PLCL1: variants seen among roughly 807,000 people sequenced by gnomAD.
PLCL1 encodes the protein phospholipase C like 1 (inactive).
In PLCL1, 41 loss-of-function variants were observed where a neutral mutation model predicts 84.4. The ratio of observed to expected loss-of-function variants is 0.49; its 90% confidence interval spans 0.38 to 0.63. The LOEUF (loss-of-function observed/expected upper bound fraction) is 0.63. Among genes scored for constraint, PLCL1 ranks in the 30% least tolerant of loss-of-function variants. The probability of loss-of-function intolerance (pLI) is 0.00; values close to 1 mark genes in which losing one functional copy is unlikely to be tolerated. For synonymous variants in PLCL1, 490 were observed against 488.3 expected (o/e 1.00, Z -0.05); for missense variants, 1,206 against 1,367.8 (o/e 0.88, Z 1.87).
intron 1 of PLCL1, among the ~76,000 whole-genome samples, chr2:197,914,712 A>G (rs1688557714): frequency 6.6e-6 from 1 of 152,190 alleles, no homozygotes; most frequent in Non-Finnish European, 1.5e-5. Context: ...TCGCAGGGTG[A>G]TTTATTAAAT....
intron 1 of PLCL1, among the ~76,000 whole-genome samples, chr2:197,986,140 T>C (rs1402493576): frequency 6.6e-6 from 1 of 152,184 alleles, no homozygotes; most frequent in Non-Finnish European, 1.5e-5. Flanking sequence ...AAAGTGGATT[T>C]AGTTATTCTT....
intron 1 of PLCL1, among the ~76,000 whole-genome samples, chr2:198,021,299 A>C (rs898431157): frequency 6.6e-6 from 1 of 152,220 alleles, no homozygotes; most frequent in African/African-American, 2.4e-5. Flanking sequence ...AAAGCAGGAA[A>C]GATCTAAAAT....
chr2:198,027,818 C>T (rs1156481583), intron 1 of PLCL1, among the ~76,000 whole-genome samples: 1 of 151,760 alleles, frequency 6.6e-6, no homozygotes, highest in Non-Finnish European at 1.5e-5. Context: ...AACTTTGAAT[C>T]TTTTTCTTTT....
At chr2:197,950,074 G>A (rs1268260547) in intron 1 of PLCL1, among the ~76,000 whole-genome samples, 1 of 152,140 alleles carries the variant, frequency 6.6e-6, no homozygotes, top group African/African-American at 2.4e-5. Flanking sequence ...GGTCACATTT[G>A]CATTATAACA....
At chr2:197,856,601 A>T (rs1249816167) in intron 1 of PLCL1, among the ~76,000 whole-genome samples, 1 of 152,186 alleles carries the variant, frequency 6.6e-6, no homozygotes, top group Non-Finnish European at 1.5e-5. Context: ...GGGAAGAATC[A>T]GTTGGAATTT....
intron 1 of PLCL1, among the ~76,000 whole-genome samples, chr2:198,064,623 A>G (rs1692280916): frequency 6.6e-6 from 1 of 152,200 alleles, no homozygotes; most frequent in South Asian, 2.1e-4. Context: ...ATTGATTCCC[A>G]CTAACCGCAC....
In PLCL1 at chr2:197,805,342, A is replaced by T; in HGVS notation, c.240+3A>T. On this transcript the variant is annotated splice_donor_region_variant and intron_variant, in intron 1 of 5. Coordinates refer to ENST00000428675, the MANE Select transcript of PLCL1 (RefSeq NM_006226.4). This position sits in a 1 kb window ranked among gnomAD's most constrained non-coding sequence, Gnocchi z 4.0. ...CCCGGCGCAGCAGCATCATCAAGGT[A>T]AGCAAAGCCGCGCCGCACCGGGAGC... 1 of 1,334,394 alleles carries T rather than the reference A, an allele frequency of 7.5e-7. No homozygotes were observed. Among genetic ancestry groups the T allele is most frequent in the Non-Finnish European group, 9.5e-7 (1 of 1,048,682 alleles). The allele number at this position is 1,334,394 out of a possible 1,614,324, so 82.7% of individuals were successfully genotyped here.
At chr2:198,039,790 G>A (rs1691618391) in intron 1 of PLCL1, among the ~76,000 whole-genome samples, 1 of 152,182 alleles carries the variant, frequency 6.6e-6, no homozygotes, top group African/African-American at 2.4e-5. Context: ...CTATGAGTCA[G>A]GTAGCTGCTG....
chr2:197,918,971 T>TCTCTCGCACA (rs373512508), intron 1 of PLCL1, among the ~76,000 whole-genome samples: 1 of 144,552 alleles, frequency 6.9e-6, no homozygotes, highest in African/African-American at 2.5e-5. Context: ...TCTCTCTCCC[T>TCTCTCGCACA]CACACACACA....
At chr2:197,904,751 T>C (rs753996479) in intron 1 of PLCL1, among the ~76,000 whole-genome samples, 17 of 152,210 alleles carry the variant, frequency 1.1e-4, no homozygotes, top group Non-Finnish European at 1.8e-4. Context: ...ATCTTTGAAC[T>C]AAATGCATAT....
At position 197,860,883 on chromosome 2, in the gene PLCL1, T is replaced by C. The variant is rs149654720; in HGVS notation, c.240+55544T>C. 2.5e-3 allele frequency among the ~76,000 whole-genome samples: 375 copies of C among 152,334 alleles called. 2 individuals are homozygous for C. The highest frequency in any genetic ancestry group is 3.9e-3 in the Non-Finnish European group (267 of 68,026). ...AGCTCTTTAGTTTAATTAGATCCCA[T>C]TTGTCAATTTTTGCTTTTATTGCAA... On this transcript the variant is annotated intron_variant, in intron 1 of 5. Coordinates refer to ENST00000428675, the MANE Select transcript of PLCL1 (RefSeq NM_006226.4).
chr2:198,101,349 G>A lies in PLCL1; in HGVS notation c.2984G>A (p.Cys995Tyr). The part of the protein sequence containing the change: ...ADTVQEKIVQ[C>Y]QKAGMEFHEE... ...ACAGTCCAGGAAAAGATTGTACAGTGTCAGAAAGCAGGTAATTGTTTTTAA... is the reference window on the plus strand; with the variant it reads ...ACAGTCCAGGAAAAGATTGTACAGTATCAGAAAGCAGGTAATTGTTTTTAA... The change falls in exon 4 of 6, where the codon TGT (cysteine) becomes TAT (tyrosine). Residue 995 changes from cysteine to tyrosine, a missense_variant. By Grantham distance (194) the Cys-to-Tyr change is radical (BLOSUM62 -2). Transcript: ENST00000428675. 6.5e-7 allele frequency: 1 copy of A among 1,544,706 alleles called. No homozygotes were observed. Among genetic ancestry groups the A allele is most frequent in the Non-Finnish European group, 8.8e-7 (1 of 1,131,072 alleles).
intron 5 of PLCL1, among the ~76,000 whole-genome samples, chr2:198,120,142 A>G (rs1024066551): frequency 6.6e-6 from 1 of 151,500 alleles, no homozygotes. Flanking sequence ...TCTTACTTCA[A>G]CCTCTGGGGA....
At chr2:198,138,096 C>A (rs1428311598) in intron 5 of PLCL1, among the ~76,000 whole-genome samples, 1 of 152,168 alleles carries the variant, frequency 6.6e-6, no homozygotes, top group African/African-American at 2.4e-5. Context: ...CCTGAGTAAA[C>A]CCTCTGTATT....
chr2:197,937,195 GT>G (rs1689070813), intron 1 of PLCL1, among the ~76,000 whole-genome samples: 1 of 152,154 alleles, frequency 6.6e-6, no homozygotes, highest in East Asian at 1.9e-4. Context: ...CTTTTAGGAT[GT>G]TTTGAAATCA....
chr2:198,148,778 AT>A lies in PLCL1; in HGVS notation c.*1819del, dbSNP rs1694584539. On this transcript the variant is annotated 3_prime_UTR_variant, in exon 6 of 6. Transcript: ENST00000428675. ...GTACCTCTTCATCTACTTGAATTCTATTTGGTAAATCCATGTCTTTACTGGA... is the reference window on the plus strand; with the variant it reads ...GTACCTCTTCATCTACTTGAATTCTATTGGTAAATCCATGTCTTTACTGGA... The A allele has an allele frequency of 6.6e-6, 1 of 152,298 alleles. No homozygotes were observed. Among genetic ancestry groups the A allele is most frequent in the Non-Finnish European group, 1.5e-5 (1 of 68,036 alleles). 9.4% of individuals were successfully genotyped at this position (152,298 alleles called of 1,614,324 possible). A position where few individuals can be genotyped will look rare whatever the true frequency, so the allele number is the denominator to read the frequency against.
rs376283642 is a variant in PLCL1 at position 198,030,630 on chromosome 2, G to A, written c.241-53128G>A. Reference sequence around the variant, plus strand: ...GCACTCACTATGTGCCTGAAGTGGTGTAAATGCTTTACATGTCATTAATGC... The same window carrying A: ...GCACTCACTATGTGCCTGAAGTGGTATAAATGCTTTACATGTCATTAATGC... On this transcript the variant is annotated intron_variant, in intron 1 of 5. Transcript: ENST00000428675. Among the ~76,000 whole-genome samples the A allele has an allele frequency of 1.1e-4, 17 of 152,276 alleles. 1 individual carries two copies. Among genetic ancestry groups the A allele is most frequent in the African/African-American group, 3.6e-4 (15 of 41,548 alleles).
At position 198,051,308 on chromosome 2, in the gene PLCL1, A is replaced by T. The variant is rs949579364; in HGVS notation, c.241-32450A>T. Among the ~76,000 whole-genome samples, 189 of 152,338 alleles carry T rather than the reference A, an allele frequency of 1.2e-3. 1 individual carries two copies. Among genetic ancestry groups the T allele is most frequent in the African/African-American group, 4.2e-3 (175 of 41,574 alleles). On this transcript the variant is annotated intron_variant, in intron 1 of 5. Transcript: ENST00000428675. ...TGCAACAATTTTAGGTTAATAGAACATTCGTAAAGATAGCAAAAATAGTTC... is the reference window on the plus strand; with the variant it reads ...TGCAACAATTTTAGGTTAATAGAACTTTCGTAAAGATAGCAAAAATAGTTC...
rs745902088 is a variant in PLCL1 at position 198,072,394 on chromosome 2, C to T, written c.241-11364C>T. Among the ~76,000 whole-genome samples the T allele has an allele frequency of 6.6e-5, 10 of 151,728 alleles. No homozygotes were observed. In the East Asian group the frequency reaches 7.7e-4, roughly 12 times the overall value. On this transcript the variant is annotated intron_variant, in intron 1 of 5. Coordinates refer to ENST00000428675, the MANE Select transcript of PLCL1 (RefSeq NM_006226.4). ...TTCATTTGATCTTTTGGGATTTTCT[C>T]GGTAAATAGTTATATTTTCTGCAAG...
Sources: gnomAD v4.1 joint callset for allele counts (sites outside exome capture counted in the v4.1 genomes callset) on GRCh38, gnomAD v4.1.1 for gene constraint, Gnocchi (gnomAD v3.1) non-coding constraint, MANE v1.5 for transcripts, NCBI Gene and HGNC (gene_info 2026-07-23, HGNC 2026-07-21) for gene names.